The following WASHC4 variants were observed in gnomAD, a reference collection of about 807,000 sequenced individuals.
WASHC4 encodes the protein WASH complex subunit 7.
Under a neutral mutation model 166.6 loss-of-function variants are expected in WASHC4, and 86 were observed. That is an observed-to-expected ratio of 0.52 (90% CI 0.43 to 0.62). The LOEUF (loss-of-function observed/expected upper bound fraction) is 0.62. Among genes scored for constraint, WASHC4 ranks in the 20% least tolerant of loss-of-function variants. The probability of loss-of-function intolerance (pLI) is 0.00; values close to 1 mark genes in which losing one functional copy is unlikely to be tolerated. For synonymous variants in WASHC4, 446 were observed against 451.6 expected, an observed-to-expected ratio of 0.99 and a Z score of 0.16; for missense variants, 1,262 against 1,382.4, an observed-to-expected ratio of 0.91 and a Z score of 1.38.
chr12:105,124,866 A>G (rs965808062), intron 10 of WASHC4, among the ~76,000 whole-genome samples: 3 of 152,208 alleles, frequency 2.0e-5, no homozygotes, highest in African/African-American at 7.2e-5. Context: ...ACAGTCTAGT[A>G]TGGTAGCTTC....
chr12:105,138,067 A>C lies in WASHC4; in HGVS notation c.1452+56A>C, dbSNP rs1882468355. 6 of 1,557,096 alleles carry C rather than the reference A, an allele frequency of 3.9e-6. No individual in the cohort carries two copies. In the Admixed American group the frequency reaches 1.1e-4, roughly 28 times the overall value. On this transcript the variant is annotated intron_variant, in intron 15 of 32. Coordinates refer to ENST00000332180, the MANE Select transcript of WASHC4 (RefSeq NM_015275.3). The stretch of plus-strand genomic sequence containing the variant: ...ATAATTGAGAAATGACCCAGGCTTA[A>C]ATTAGGATAATCTTGTAAGGTTTGA...
At chr12:105,137,356 G>T in intron 14 of WASHC4, among the ~76,000 whole-genome samples, 1 of 152,188 alleles carries the variant, frequency 6.6e-6, no homozygotes, top group Non-Finnish European at 1.5e-5. Context: ...CAGATGGACT[G>T]TGGGGATTGG....
At chr12:105,126,674 A>C (rs2135752830) in intron 12 of WASHC4, among the ~76,000 whole-genome samples, 1 of 152,112 alleles carries the variant, frequency 6.6e-6, no homozygotes, top group Admixed American at 6.5e-5. Flanking sequence ...AGAAATTTAA[A>C]ATATATTTCT....
rs771360163 is a variant in WASHC4 at position 105,144,308 on chromosome 12, A to G, written c.2032A>G (p.Lys678Glu). The G allele has an allele frequency of 1.2e-6, 2 of 1,612,638 alleles. No individual in the cohort carries two copies. Among genetic ancestry groups the G allele is most frequent in the African/African-American group, 1.3e-5 (1 of 74,854 alleles). ...LNEHLLDKLC[K>E]EIEKDLRLSV... is the part of the protein sequence containing the mutation. ...ATAGCATTTGCTGGACAAATTATGC[A>G]AAGAAATAGAGAAAGATCTGCGACT... Residue 678 changes from lysine to glutamate, a missense_variant, in exon 21 of 33, where the codon AAA (lysine) becomes GAA (glutamate). Lys to Glu is a moderately conservative substitution (Grantham distance 56). Coordinates refer to ENST00000332180, the MANE Select transcript of WASHC4 (RefSeq NM_015275.3).
At position 105,127,185 on chromosome 12, in the gene WASHC4, C is replaced by T. The variant is rs1271080780; in HGVS notation, c.1095C>T (p.Ile365=). ...NIIWFPDNFL[I]QKIPAAAKLL... ...TTTGGTTTCCTGATAATTTTCTGAT[C>T]CAGAAAATACCAGCAGCTGCCAAAC... The change falls in exon 13 of 33, where the codon ATC becomes ATT. Residue 365 remains isoleucine, a synonymous_variant. Transcript: ENST00000332180. 1 of 1,611,470 alleles carries T rather than the reference C, an allele frequency of 6.2e-7. No individual in the cohort carries two copies. Among genetic ancestry groups the T allele is most frequent in the Non-Finnish European group, 8.5e-7 (1 of 1,177,802 alleles).
intron 29 of WASHC4, among the ~76,000 whole-genome samples, chr12:105,160,519 T>C (rs895051267): frequency 6.6e-6 from 1 of 151,864 alleles, no homozygotes; most frequent in African/African-American, 2.4e-5. Context: ...ATTTTGGTAA[T>C]TTGTTTTCTT....
rs1462240366 is a variant in WASHC4, at chr12:105,123,316, G to A, written c.786+1078G>A. Among the ~76,000 whole-genome samples the A allele has an allele frequency of 2.6e-5, 4 of 151,480 alleles. No individual in the cohort carries two copies. In the East Asian group the frequency reaches 5.8e-4, roughly 22 times the overall value. On this transcript the variant is annotated intron_variant, in intron 10 of 32. Coordinates refer to ENST00000332180, the MANE Select transcript of WASHC4 (RefSeq NM_015275.3). The stretch of plus-strand genomic sequence containing the variant: ...GCGACGAGGGAGACTCCATCTTTTA[G>A]GGGGGTGGGGAAAGCAGAGATAGGC...
chr12:105,128,968 C>T (rs1405043868), intron 13 of WASHC4, among the ~76,000 whole-genome samples: 1 of 144,488 alleles, frequency 6.9e-6, no homozygotes, highest in African/African-American at 2.6e-5. Context: ...TTTTTTGAGA[C>T]AGAGTCTCCC....
chr12:105,142,481 T>C lies in WASHC4; in HGVS notation c.1816T>C (p.Leu606=), dbSNP rs1882953681. ...CCAAACACAATGTGACTGTTGTTTT[T>C]TATACTGGCATCGAGCTGTCTTCCC... ...RVQTQCDCCF[L]YWHRAVFPIY... is the part of the protein sequence containing the mutation. Residue 606 remains leucine (L), a synonymous_variant, in exon 19 of 33, where the codon TTA becomes CTA. Coordinates refer to ENST00000332180, the MANE Select transcript of WASHC4 (RefSeq NM_015275.3). The C allele has an allele frequency of 6.2e-7, 1 of 1,610,372 alleles. No homozygotes were observed. The highest frequency in any genetic ancestry group is 8.5e-7 in the Non-Finnish European group (1 of 1,177,412).
chr12:105,134,376 T>G (rs1376114854), intron 14 of WASHC4, among the ~76,000 whole-genome samples: 1 of 152,160 alleles, frequency 6.6e-6, no homozygotes, highest in Admixed American at 6.5e-5. Flanking sequence ...TGTAGCATTT[T>G]GTATATGACA....
At chr12:105,123,292 C>T (rs866735184) in intron 10 of WASHC4, among the ~76,000 whole-genome samples, 1 of 151,898 alleles carries the variant, frequency 6.6e-6, no homozygotes, top group Admixed American at 6.6e-5. Context: ...CCAGCTTGGG[C>T]GACGAGGGAG....
At chr12:105,122,803 G>A (rs376686712) in intron 10 of WASHC4, among the ~76,000 whole-genome samples, 1 of 152,086 alleles carries the variant, frequency 6.6e-6, no homozygotes, top group South Asian at 2.1e-4. Flanking sequence ...GAACTTAATC[G>A]ATAAATGTTG....
intron 14 of WASHC4, among the ~76,000 whole-genome samples, 197 bp downstream of exon 14, chr12:105,134,093 T>G (rs1882100389): frequency 6.6e-6 from 1 of 152,124 alleles, no homozygotes; most frequent in Non-Finnish European, 1.5e-5. Flanking sequence ...CTTTACAACT[T>G]GACTATTTAG....
intron 13 of WASHC4, among the ~76,000 whole-genome samples, chr12:105,132,468 G>A (rs763623928): frequency 6.6e-6 from 1 of 152,134 alleles, no homozygotes; most frequent in African/African-American, 2.4e-5. Context: ...CACCATGCCC[G>A]GCCACATACT....
In WASHC4 at chr12:105,149,678, G is replaced by T; in HGVS notation, c.2578G>T (p.Glu860Ter). Residue 860 changes from glutamate (E) to a stop codon, truncating the protein, a stop_gained, in exon 25 of 33, where the codon GAA becomes TAA. Transcript: ENST00000332180. LOFTEE classifies it high-confidence loss of function. The stretch of plus-strand genomic sequence containing the variant: ...TATATTTAGCCAATTTATGTATGAT[G>T]AACACATCAAATCCAGATTGATTAA... ...FYIFSQFMYD[E>*]HIKSRLIKDI... 2 of 1,574,966 alleles carry T rather than the reference G, an allele frequency of 1.3e-6. No individual in the cohort carries two copies. Among genetic ancestry groups the T allele is most frequent in the South Asian group, 2.2e-5 (2 of 89,238 alleles).
chr12:105,127,115 C>T lies in WASHC4; in HGVS notation c.1039-14C>T, dbSNP rs1331390303. ...CATTTAATGAATTTTCCCCTTTTCC[C>T]TTTTCTGTTTCAGGTACCAGCCATC... On this transcript the variant is annotated splice_polypyrimidine_tract_variant and intron_variant, in intron 12 of 32. Transcript: ENST00000332180. 1 of 1,610,494 alleles carries T rather than the reference C, an allele frequency of 6.2e-7. No individual in the cohort carries two copies. Among genetic ancestry groups the T allele is most frequent in the Non-Finnish European group, 8.5e-7 (1 of 1,177,014 alleles).
intron 14 of WASHC4, among the ~76,000 whole-genome samples, chr12:105,137,300 G>A (rs1435456922): frequency 6.6e-6 from 1 of 152,158 alleles, no homozygotes; most frequent in Non-Finnish European, 1.5e-5. Context: ...TGGGCTGGAA[G>A]GAGAGAAAGC....
At chr12:105,135,067 A>G (rs1216019672) in intron 14 of WASHC4, among the ~76,000 whole-genome samples, 2 of 152,040 alleles carry the variant, frequency 1.3e-5, no homozygotes, top group Non-Finnish European at 2.9e-5. Flanking sequence ...TCCTGACGGT[A>G]TAAGGATCTT....
intron 25 of WASHC4, among the ~76,000 whole-genome samples, chr12:105,150,325 C>A (rs1307979672): frequency 6.6e-6 from 1 of 152,188 alleles, no homozygotes; most frequent in Admixed American, 6.5e-5. Context: ...AACAGTGCTG[C>A]AGTAACATCT....
Sources: gnomAD v4.1 joint callset for allele counts (sites outside exome capture counted in the v4.1 genomes callset) on GRCh38, gnomAD v4.1.1 for gene constraint, MANE v1.5 for transcripts, NCBI Gene and HGNC (gene_info 2026-07-23, HGNC 2026-07-21) for gene names.